Variants in NR2F1-AS1 observed in about 807,000 individuals in gnomAD.
NR2F1-AS1 encodes NR2F1 antisense RNA 1.
chr5:93,479,250 C>T (rs1023290830), intron 4 of NR2F1-AS1, among the ~76,000 whole-genome samples: 4 of 152,034 alleles, frequency 2.6e-5, no homozygotes, highest in Admixed American at 1.3e-4. Flanking sequence ...TATTTTGATC[C>T]GTTTGGAAGT....
chr5:93,518,017 A>T (rs1398227103), intron 4 of NR2F1-AS1, among the ~76,000 whole-genome samples: 4 of 152,036 alleles, frequency 2.6e-5, no homozygotes, highest in African/African-American at 9.7e-5. Flanking sequence ...GCTGGCCTTG[A>T]TCTTGGGGCT....
intron 4 of NR2F1-AS1, among the ~76,000 whole-genome samples, chr5:93,497,188 A>G (rs1210985064): frequency 6.6e-6 from 1 of 152,182 alleles, no homozygotes; most frequent in Admixed American, 6.5e-5. Context: ...AAATAACCCA[A>G]AAGCTAGCTT....
intron 1 of NR2F1-AS1, chr5:93,563,556 T>A (rs1419855522): frequency 2.6e-5 from 4 of 152,188 alleles, no homozygotes; most frequent in African/African-American, 9.7e-5. Context: ...AGTTGCTTTT[T>A]GAAATATTCT....
intron 3 of NR2F1-AS1, among the ~76,000 whole-genome samples, chr5:93,554,454 T>C (rs771093223): frequency 7.9e-5 from 12 of 152,170 alleles, no homozygotes; most frequent in Non-Finnish European, 1.8e-4. Context: ...ACTCCTGATA[T>C]GGAATTTTAT....
intron 4 of NR2F1-AS1, among the ~76,000 whole-genome samples, chr5:93,431,869 A>T (rs1021401637): frequency 6.6e-6 from 1 of 152,188 alleles, no homozygotes; most frequent in African/African-American, 2.4e-5. Context: ...AATATGTTTT[A>T]TAAGCCTGAA....
chr5:93,581,974 T>C (rs1390916639), upstream of NR2F1-AS1, among the ~76,000 whole-genome samples: 1 of 96,854 alleles, frequency 1.0e-5, no homozygotes, highest in East Asian at 2.9e-4. Context: ...TCTCTCTCTC[T>C]CCTCTCTCTC....
chr5:93,513,799 T>G (rs539425909), intron 4 of NR2F1-AS1, among the ~76,000 whole-genome samples: 6 of 152,180 alleles, frequency 3.9e-5, no homozygotes, highest in Non-Finnish European at 7.4e-5. Flanking sequence ...TAACCCTGAA[T>G]CTAAAATAAA....
At chr5:93,535,449 T>C (rs984234435) in intron 4 of NR2F1-AS1, among the ~76,000 whole-genome samples, 13 of 151,960 alleles carry the variant, frequency 8.6e-5, no homozygotes, top group Non-Finnish European at 1.3e-4. Flanking sequence ...AATCAGCATA[T>C]ACATGACAAC....
intron 4 of NR2F1-AS1, among the ~76,000 whole-genome samples, chr5:93,456,480 G>A (rs1050295844): frequency 5.9e-5 from 9 of 152,064 alleles, no homozygotes; most frequent in Non-Finnish European, 8.8e-5. Flanking sequence ...TATGTTTATG[G>A]ATCAGAAGAT....
chr5:93,460,291 CAAA>C (rs1201158265), intron 4 of NR2F1-AS1, among the ~76,000 whole-genome samples: 2 of 152,110 alleles, frequency 1.3e-5, no homozygotes, highest in Non-Finnish European at 2.9e-5. Flanking sequence ...ATATGTGGGG[CAAA>C]GTATTAGCCT....
intron 4 of NR2F1-AS1, among the ~76,000 whole-genome samples, chr5:93,430,104 C>G (rs992481543): frequency 6.6e-6 from 1 of 152,184 alleles, no homozygotes; most frequent in Non-Finnish European, 1.5e-5. Context: ...ATGGTCTTCT[C>G]AAAATGGGCA....
chr5:93,474,061 T>A (rs1232684692), intron 4 of NR2F1-AS1, among the ~76,000 whole-genome samples: 13 of 152,110 alleles, frequency 8.5e-5, no homozygotes. Context: ...AACATAATTA[T>A]AAATAAAGCG....
chr5:93,562,463 TG>T (rs1752515019), intron 2 of NR2F1-AS1, among the ~76,000 whole-genome samples: 3 of 151,860 alleles, frequency 2.0e-5, no homozygotes, highest in African/African-American at 7.3e-5. Flanking sequence ...GGCTAATTAT[TG>T]TATTCTTTTT....
upstream of NR2F1-AS1, among the ~76,000 whole-genome samples, chr5:93,581,717 TCTCTCTCTCTCTCTCTCCCC>T (rs1561519100): frequency 1.6e-4 from 10 of 62,118 alleles, no homozygotes; most frequent in African/African-American, 7.2e-4. Context: ...TCTCTCTCTC[TCTCTCTCTCTCTCTCTCCCC>T]CTCTCCCTCT....
At chr5:93,490,566 T>C (rs1367577304) in intron 4 of NR2F1-AS1, among the ~76,000 whole-genome samples, 2 of 148,976 alleles carry the variant, frequency 1.3e-5, no homozygotes, top group South Asian at 2.1e-4. Context: ...ATGGTGGTGA[T>C]GGGAGTGGTG....
At chr5:93,580,902 C>G (rs1271704245), upstream of NR2F1-AS1, 1 of 152,264 alleles carries the variant, frequency 6.6e-6, no homozygotes, top group Non-Finnish European at 1.5e-5. Flanking sequence ...AATGGGCCAC[C>G]GCTCGCGGAG....
At chr5:93,486,302 A>G (rs951751882) in intron 4 of NR2F1-AS1, among the ~76,000 whole-genome samples, 3 of 151,678 alleles carry the variant, frequency 2.0e-5, no homozygotes, top group Non-Finnish European at 2.9e-5. Flanking sequence ...AAGTCAGTGA[A>G]TCCAGGAGCT....
chr5:93,515,006 T>C (rs1215942316), intron 4 of NR2F1-AS1, among the ~76,000 whole-genome samples: 1 of 151,956 alleles, frequency 6.6e-6, no homozygotes, highest in Non-Finnish European at 1.5e-5. Context: ...TTTAATGCTT[T>C]AATGCTTCCA....
intron 4 of NR2F1-AS1, among the ~76,000 whole-genome samples, chr5:93,457,641 GTC>G (rs1749981707): frequency 6.6e-6 from 1 of 151,836 alleles, no homozygotes; most frequent in Non-Finnish European, 1.5e-5. Context: ...GATGGTCGCT[GTC>G]TCTTTGGAGC....
Sources: gnomAD v4.1 joint callset for allele counts (sites outside exome capture counted in the v4.1 genomes callset) on GRCh38, gnomAD v4.1.1 for gene constraint, MANE v1.5 for transcripts, NCBI Gene and HGNC (gene_info 2026-07-23, HGNC 2026-07-21) for gene names.